PTPRD: variants seen among roughly 807,000 people sequenced by gnomAD.
PTPRD encodes receptor-type tyrosine-protein phosphatase delta.
A neutral mutation model predicts 214.5 loss-of-function variants in PTPRD; 34 were observed. The ratio of observed to expected loss-of-function variants is 0.16; its 90% CI spans 0.12 to 0.21. The LOEUF (loss-of-function observed/expected upper bound fraction) is 0.21, where lower values mean the gene tolerates loss of function less well. Ranked by LOEUF, PTPRD falls within the 10% of genes least tolerant of loss-of-function variation. The pLI, the probability that PTPRD is intolerant of heterozygous loss-of-function variation, is 1.00. For missense variants in PTPRD, 2,545 were observed against 2,398.7 expected (o/e 1.06, Z -1.27); for synonymous variants, 1,128 against 845.7 (o/e 1.33, Z -5.79).
chr9:10,575,806 C>A (rs1046238600), intron 2 of PTPRD, among the ~76,000 whole-genome samples: 1 of 152,100 alleles, frequency 6.6e-6, no homozygotes, highest in Non-Finnish European at 1.5e-5. Flanking sequence ...CTCTCCCCAA[C>A]CCTTTCTCTC....
At chr9:9,994,997 C>T (rs920822609) in intron 4 of PTPRD, among the ~76,000 whole-genome samples, 8 of 151,918 alleles carry the variant, frequency 5.3e-5, no homozygotes, top group African/African-American at 1.9e-4. Flanking sequence ...AAAACAGGTA[C>T]ATTTACATAT....
chr9:8,364,250 A>G (rs951069829), intron 39 of PTPRD, among the ~76,000 whole-genome samples: 1 of 152,246 alleles, frequency 6.6e-6, no homozygotes, highest in African/African-American at 2.4e-5. Flanking sequence ...GGTCATTTAC[A>G]TTACGTTAAG....
intron 3 of PTPRD, among the ~76,000 whole-genome samples, chr9:10,049,104 A>C (rs943908203): frequency 2.0e-4 from 31 of 152,278 alleles, no homozygotes; most frequent in African/African-American, 6.0e-4. Flanking sequence ...AAAGCAGAGC[A>C]TTAGAGAAAA....
chr9:9,733,546 G>T (rs553938267), intron 7 of PTPRD, among the ~76,000 whole-genome samples: 2 of 152,152 alleles, frequency 1.3e-5, no homozygotes, highest in Non-Finnish European at 2.9e-5. Context: ...AATCCTGAAA[G>T]CATTTGGTTT....
chr9:9,090,753 G>C (rs1321963109), intron 10 of PTPRD: 3 of 630,368 alleles, frequency 4.8e-6, no homozygotes, highest in South Asian at 1.9e-5. Flanking sequence ...CAAAACATCA[G>C]TGATTTCAAG....
At chr9:8,476,004 C>G (rs1473047750) in intron 30 of PTPRD, among the ~76,000 whole-genome samples, 3 of 152,194 alleles carry the variant, frequency 2.0e-5, no homozygotes, top group African/African-American at 7.2e-5. Context: ...AGGATAAAGA[C>G]TGAAAGGTAT....
At chr9:9,353,045 A>C (rs1186385991) in intron 9 of PTPRD, among the ~76,000 whole-genome samples, 1 of 151,946 alleles carries the variant, frequency 6.6e-6, no homozygotes, top group Non-Finnish European at 1.5e-5. Flanking sequence ...CAAAATTTTA[A>C]TGCAGGGAGA....
intron 5 of PTPRD, among the ~76,000 whole-genome samples, chr9:9,769,317 CTTTTTT>C (rs34497562): frequency 2.9e-5 from 2 of 69,594 alleles, no homozygotes; most frequent in South Asian, 7.3e-4. Context: ...ACCAGAAGCC[CTTTTTT>C]TTTTTTTTTT....
At chr9:8,906,083 G>C (rs936150512) in intron 11 of PTPRD, among the ~76,000 whole-genome samples, 6 of 152,176 alleles carry the variant, frequency 3.9e-5, no homozygotes, top group African/African-American at 1.2e-4. Flanking sequence ...AATATTTCTT[G>C]AATGCAATGA....
intron 4 of PTPRD, among the ~76,000 whole-genome samples, chr9:10,008,391 G>C (rs538004567): frequency 6.6e-6 from 1 of 151,964 alleles, no homozygotes; most frequent in Non-Finnish European, 1.5e-5. Context: ...AGCTGTGTCT[G>C]ACTTAAGAGT....
intron 11 of PTPRD, among the ~76,000 whole-genome samples, chr9:8,943,244 A>C (rs747872110): frequency 5.9e-5 from 9 of 152,132 alleles, no homozygotes; most frequent in Admixed American, 1.3e-4. Flanking sequence ...TCAAAATACC[A>C]ATTATATTCT....
At chr9:8,333,688 A>T (rs1037181748) in intron 43 of PTPRD, among the ~76,000 whole-genome samples, 2 of 152,196 alleles carry the variant, frequency 1.3e-5, no homozygotes, top group Non-Finnish European at 1.5e-5. Flanking sequence ...GACAGAATCA[A>T]ATTTGCATAT....
At chr9:8,566,112 G>C (rs2089020730) in intron 14 of PTPRD, among the ~76,000 whole-genome samples, 1 of 148,848 alleles carries the variant, frequency 6.7e-6, no homozygotes, top group African/African-American at 2.5e-5. Flanking sequence ...GTGTGTGTGT[G>C]TGTGTGTGTG....
chr9:10,414,736 C>A (rs2098470827), intron 2 of PTPRD, among the ~76,000 whole-genome samples: 1 of 151,904 alleles, frequency 6.6e-6, no homozygotes, highest in Non-Finnish European at 1.5e-5. Context: ...GGTACACATA[C>A]ACCATGGAAT....
At chr9:8,973,858 G>A (rs1379688697) in intron 11 of PTPRD, among the ~76,000 whole-genome samples, 11 of 152,030 alleles carry the variant, frequency 7.2e-5, no homozygotes. Flanking sequence ...CTGCTTGTAT[G>A]TCTTCTTTTA....
intron 9 of PTPRD, among the ~76,000 whole-genome samples, chr9:9,231,642 A>G (rs1354959468): frequency 6.6e-6 from 1 of 152,170 alleles, no homozygotes; most frequent in Non-Finnish European, 1.5e-5. Context: ...CTATTCCTGA[A>G]TGCCATTTTT....
chr9:10,459,146 G>C (rs1403493619), intron 2 of PTPRD, among the ~76,000 whole-genome samples: 1 of 152,132 alleles, frequency 6.6e-6, no homozygotes, highest in Non-Finnish European at 1.5e-5. Flanking sequence ...AGAACATCTG[G>C]TGTTCGGTTC....
chr9:9,610,158 G>A (rs1025552754), intron 7 of PTPRD, among the ~76,000 whole-genome samples: 15 of 152,182 alleles, frequency 9.9e-5, no homozygotes, highest in South Asian at 2.1e-4. Context: ...GGAATCTTTC[G>A]AAAGGCTTTT....
At chr9:9,949,529 G>T (rs1294398527) in intron 4 of PTPRD, among the ~76,000 whole-genome samples, 2 of 152,064 alleles carry the variant, frequency 1.3e-5, no homozygotes, top group Non-Finnish European at 2.9e-5. Context: ...GGGAGTTAAT[G>T]ATTTATTTTC....
Sources: gnomAD v4.1 joint callset for allele counts (sites outside exome capture counted in the v4.1 genomes callset) on GRCh38, gnomAD v4.1.1 for gene constraint, MANE v1.5 for transcripts, NCBI Gene and HGNC (gene_info 2026-07-23, HGNC 2026-07-21) for gene names.